The following HSPA2 variants were observed in gnomAD, a reference collection of about 807,000 sequenced individuals.
HSPA2 encodes the protein heat shock protein family A (Hsp70) member 2.
A neutral mutation model predicts 35.0 loss-of-function variants in HSPA2; 13 were observed. The observed-to-expected ratio is 0.37, with a 90% CI of 0.24 to 0.59. HSPA2 has a LOEUF of 0.59. HSPA2 is among the 20% of genes least tolerant of loss of function. The probability of loss-of-function intolerance (pLI) is 0.70; values close to 1 mark genes in which losing one functional copy is unlikely to be tolerated. For synonymous variants in HSPA2, 368 were observed against 382.1 expected, an observed-to-expected ratio of 0.96 and a Z score of 0.43; for missense variants, 565 against 885.4, an observed-to-expected ratio of 0.64 and a Z score of 4.59.
chr14:64,539,681 G>GT (rs45627137), upstream of HSPA2, among the ~76,000 whole-genome samples: 132 of 151,304 alleles, frequency 8.7e-4, no homozygotes, highest in African/African-American at 2.3e-3. Context: ...AGGCAGTGGG[G>GT]TTTTTTTTTG....
At position 64,541,434 on chromosome 14, in the gene HSPA2, G is replaced by A; in HGVS notation, c.585G>A (p.Glu195=). Residue 195 remains glutamate (E), a synonymous_variant, in exon 1 of 1, where the codon GAG becomes GAA. Coordinates refer to ENST00000247207, the MANE Select transcript of HSPA2 (RefSeq NM_021979.4). ...ACAAGAAGGGCTGCGCGGGCGGCGA[G>A]AAGAACGTGCTCATCTTTGACCTGG... ...GLDKKGCAGG[E]KNVLIFDLGG... 1.2e-6 allele frequency: 2 copies of A among 1,613,646 alleles called. No individual in the cohort carries two copies. The highest frequency in any genetic ancestry group is 2.2e-5 in the South Asian group (2 of 91,070).
In HSPA2 at chr14:64,541,619, G is replaced by A. The variant is rs1045863061; in HGVS notation, c.770G>A (p.Gly257Glu). The A allele has an allele frequency of 1.2e-6, 2 of 1,611,262 alleles. No homozygotes were observed. Among genetic ancestry groups the A allele is most frequent in the Non-Finnish European group, 1.7e-6 (2 of 1,179,880 alleles). Reference sequence around the variant, plus strand: ...AAGCGCAAGCACAAGAAGGACATTGGGCCCAACAAGCGCGCCGTGAGGCGG... The same window carrying A: ...AAGCGCAAGCACAAGAAGGACATTGAGCCCAACAAGCGCGCCGTGAGGCGG... Reference protein sequence around the residue: ...EFKRKHKKDIGPNKRAVRRLR... With the variant: ...EFKRKHKKDIEPNKRAVRRLR... The change falls in exon 1 of 1, where the codon GGG becomes GAG. Residue 257 changes from glycine to glutamate, a missense_variant. Coordinates refer to ENST00000247207, the MANE Select transcript of HSPA2 (RefSeq NM_021979.4).
At chr14:64,540,576 C>G (rs1387240863), upstream of HSPA2, 93 of 505,868 alleles carry the variant, frequency 1.8e-4, 1 homozygote, top group East Asian at 3.3e-3. Flanking sequence ...GCCGGAGTCC[C>G]GCCCCTCGTC....
At chr14:64,536,373 C>T (rs1036687035), upstream of HSPA2, among the ~76,000 whole-genome samples, 3 of 152,136 alleles carry the variant, frequency 2.0e-5, no homozygotes, top group Non-Finnish European at 4.4e-5. Context: ...TTATCATTAA[C>T]ATAAATAATA....
rs747998365 is a variant in HSPA2, at chr14:64,540,824, C to T, written c.-26C>T. ...AGTTCATCTCCCTGGTTTTCCCGTCCTAACGTCGCTCGCCTTTCAGTCAGG... is the reference window on the plus strand; with the variant it reads ...AGTTCATCTCCCTGGTTTTCCCGTCTTAACGTCGCTCGCCTTTCAGTCAGG... On this transcript the variant is annotated 5_prime_UTR_variant, in exon 1 of 1. Transcript: ENST00000247207. 1 of 1,611,916 alleles carries T rather than the reference C, an allele frequency of 6.2e-7. No individual in the cohort carries two copies. The highest frequency in any genetic ancestry group is 2.2e-5 in the East Asian group (1 of 44,858).
chr14:64,541,097 C>T lies in HSPA2; in HGVS notation c.248C>T (p.Thr83Ile). Reference sequence around the variant, plus strand: ...ATTGGACGGAAATTCGAGGATGCCACAGTGCAGTCGGATATGAAACACTGG... The same window carrying T: ...ATTGGACGGAAATTCGAGGATGCCATAGTGCAGTCGGATATGAAACACTGG... The part of the protein sequence containing the change: ...RLIGRKFEDA[T>I]VQSDMKHWPF... The change falls in exon 1 of 1, where the codon ACA becomes ATA. Residue 83 changes from threonine (T) to isoleucine (I), a missense_variant. Thr to Ile is a moderately conservative substitution (Grantham distance 89). Transcript: ENST00000247207. The T allele has an allele frequency of 6.2e-7, 1 of 1,614,234 alleles. No individual in the cohort carries two copies.
chr14:64,541,613 A>G lies in HSPA2; in HGVS notation c.764A>G (p.Asp255Gly), dbSNP rs765750287. 1.3e-5 allele frequency: 21 copies of G among 1,611,588 alleles called. No individual in the cohort carries two copies. The highest frequency in any genetic ancestry group is 1.2e-4 in the South Asian group (11 of 91,090). The change falls in exon 1 of 1, where the codon GAC (aspartate) becomes GGC (glycine). Residue 255 changes from aspartate (D) to glycine (G), a missense_variant. This residue lies in a region of HSPA2 where 234 missense variants were observed against 419.0 expected (regional missense o/e 0.56). Coordinates refer to ENST00000247207, the MANE Select transcript of HSPA2 (RefSeq NM_021979.4). ...GAGTTCAAGCGCAAGCACAAGAAGG[A>G]CATTGGGCCCAACAAGCGCGCCGTG... ...AEEFKRKHKK[D>G]IGPNKRAVRR...
chr14:64,540,764 G>C lies in HSPA2; in HGVS notation c.-86G>C, dbSNP rs1012675299. The C allele has an allele frequency of 1.0e-5, 16 of 1,558,936 alleles. No homozygotes were observed. The highest frequency in any genetic ancestry group is 1.4e-5 in the Non-Finnish European group (16 of 1,151,866). ...CTGAGTTGCTGGTAGTGCCCGTGGT[G>C]CTTGGTTCGAGGTGGCCGTTAGTTG... On this transcript the variant is annotated 5_prime_UTR_variant, in exon 1 of 1. Coordinates refer to ENST00000247207, the MANE Select transcript of HSPA2 (RefSeq NM_021979.4).
upstream of HSPA2, chr14:64,536,017 T>C (rs2079979042): frequency 6.6e-6 from 1 of 152,322 alleles, no homozygotes; most frequent in Non-Finnish European, 1.5e-5. Flanking sequence ...GATTACCCAG[T>C]CTCGGGTGTC....
At position 64,541,092 on chromosome 14, in the gene HSPA2, T is replaced by C. The variant is rs749865642; in HGVS notation, c.243T>C (p.Asp81=). 1.2e-6 allele frequency: 2 copies of C among 1,614,188 alleles called. No homozygotes were observed. Among genetic ancestry groups the C allele is most frequent in the South Asian group, 2.2e-5 (2 of 91,088 alleles). Residue 81 remains aspartate (D), a synonymous_variant, in exon 1 of 1, where the codon GAT becomes GAC. Coordinates refer to ENST00000247207, the MANE Select transcript of HSPA2 (RefSeq NM_021979.4). The part of the protein sequence containing the change: ...AKRLIGRKFE[D]ATVQSDMKHW... ...GGCTGATTGGACGGAAATTCGAGGA[T>C]GCCACAGTGCAGTCGGATATGAAAC...
rs936957029 is a variant in HSPA2 at position 64,541,262 on chromosome 14, G to A, written c.413G>A (p.Gly138Asp). 1 of 1,613,536 alleles carries A rather than the reference G, an allele frequency of 6.2e-7. No homozygotes were observed. The highest frequency in any genetic ancestry group is 2.2e-5 in the East Asian group (1 of 44,864). The change falls in exon 1 of 1, where the codon GGC becomes GAC. Residue 138 changes from glycine (G) to aspartate (D), a missense_variant. Physicochemically the swap from Gly to Asp is moderately conservative, Grantham distance 94. Transcript: ENST00000247207. ...MKEIAEAYLG[G>D]KVHSAVITVP... ...GAGATCGCGGAAGCCTACCTGGGGGGCAAGGTGCACAGCGCGGTCATAACG... is the reference window on the plus strand; with the variant it reads ...GAGATCGCGGAAGCCTACCTGGGGGACAAGGTGCACAGCGCGGTCATAACG...
chr14:64,540,349 G>A, upstream of HSPA2: 1 of 181,716 alleles, frequency 5.5e-6, no homozygotes, highest in Non-Finnish European at 1.2e-5. Context: ...TCCCCGTGCC[G>A]CGCCTCAGTC....
chr14:64,542,358 A>T lies in HSPA2; in HGVS notation c.1509A>T (p.Lys503Asn), dbSNP rs762927698. 6.8e-6 allele frequency: 11 copies of T among 1,613,712 alleles called. No homozygotes were observed. The Admixed American group carries it at 1.2e-4, about 17-fold the overall frequency. ...AADKSTGKEN[K>N]ITITNDKGRL... Reference sequence around the variant, plus strand: ...ACAAGAGCACCGGTAAGGAAAACAAAATCACCATCACCAATGACAAAGGTC... The same window carrying T: ...ACAAGAGCACCGGTAAGGAAAACAATATCACCATCACCAATGACAAAGGTC... The change falls in exon 1 of 1, where the codon AAA (lysine) becomes AAT (asparagine). Residue 503 changes from lysine (K) to asparagine (N), a missense_variant. Physicochemically the swap from Lys to Asn is moderately conservative, Grantham distance 94. Around this residue, in one of 4 missense-constraint regions of HSPA2, gnomAD observed 234 missense variants for 419.0 expected, o/e 0.56. Coordinates refer to ENST00000247207, the MANE Select transcript of HSPA2 (RefSeq NM_021979.4). The surrounding 1 kb of genome is among the most constrained non-coding windows in gnomAD (Gnocchi z 5.7).
chr14:64,540,741 G>T lies in HSPA2; in HGVS notation c.-109G>T, dbSNP rs1452615951. On this transcript the variant is annotated 5_prime_UTR_variant, in exon 1 of 1. Coordinates refer to ENST00000247207, the MANE Select transcript of HSPA2 (RefSeq NM_021979.4). ...AACCGGGAACTGGGCGCGGGGAGCTGAGTTGCTGGTAGTGCCCGTGGTGCT... is the reference window on the plus strand; with the variant it reads ...AACCGGGAACTGGGCGCGGGGAGCTTAGTTGCTGGTAGTGCCCGTGGTGCT... 11 of 1,501,412 alleles carry T rather than the reference G, an allele frequency of 7.3e-6. No homozygotes were observed. The highest frequency in any genetic ancestry group is 6.3e-6 in the Non-Finnish European group (7 of 1,117,244). 93.0% of individuals were successfully genotyped at this position (1,501,412 alleles called of 1,614,324 possible). A position where few individuals can be genotyped will look rare whatever the true frequency, so the allele number is the denominator to read the frequency against.
At chr14:64,539,148 C>T (rs2080003260), upstream of HSPA2, among the ~76,000 whole-genome samples, 1 of 152,120 alleles carries the variant, frequency 6.6e-6, no homozygotes, top group Admixed American at 6.5e-5. Flanking sequence ...AGATTATTAC[C>T]TGGTGCCAGG....
rs1758913667 is a variant in HSPA2 at position 64,542,245 on chromosome 14, G to A, written c.1396G>A (p.Gly466Arg). The A allele has an allele frequency of 6.2e-7, 1 of 1,613,848 alleles. No individual in the cohort carries two copies. Among genetic ancestry groups the A allele is most frequent in the African/African-American group, 1.3e-5 (1 of 74,900 alleles). Residue 466 changes from glycine (G) to arginine (R), a missense_variant, in exon 1 of 1, where the codon GGG becomes AGG. Physicochemically the swap from Gly to Arg is moderately radical, Grantham distance 125. Transcript: ENST00000247207. This position sits in a 1 kb window ranked among gnomAD's most constrained non-coding sequence, Gnocchi z 5.7. ...CCTGCTGGGCAAGTTCGACCTGACC[G>A]GGATTCCCCCTGCGCCTCGCGGGGT... ...NNLLGKFDLT[G>R]IPPAPRGVPQ... is the part of the protein sequence containing the mutation.
At chr14:64,536,650 C>G (rs2079982231), upstream of HSPA2, among the ~76,000 whole-genome samples, 1 of 152,130 alleles carries the variant, frequency 6.6e-6, no homozygotes, top group Non-Finnish European at 1.5e-5. Flanking sequence ...GTCCTAACTA[C>G]TCCGGAGGCT....
rs1063391 is a variant in HSPA2, at chr14:64,541,533, C to T, written c.684C>T (p.Asp228=). Residue 228 remains aspartate, a synonymous_variant, in exon 1 of 1, where the codon GAC becomes GAT. Coordinates refer to ENST00000247207, the MANE Select transcript of HSPA2 (RefSeq NM_021979.4). ...GIFEVKSTAG[D]THLGGEDFDN... is the part of the protein sequence containing the mutation. ...TCGAGGTGAAGTCCACGGCCGGCGACACCCACCTGGGCGGTGAGGACTTCG... is the reference window on the plus strand; with the variant it reads ...TCGAGGTGAAGTCCACGGCCGGCGATACCCACCTGGGCGGTGAGGACTTCG... 0.69 allele frequency: 1,109,002 copies of T among 1,613,246 alleles called. 385,667 individuals carry two copies. The highest frequency in any genetic ancestry group is 0.86 in the East Asian group (38,435 of 44,830).
At chr14:64,540,721 G>T, upstream of HSPA2, 1 of 1,408,828 alleles carries the variant, frequency 7.1e-7, no homozygotes, top group African/African-American at 1.4e-5. Context: ...ATAAGAACCG[G>T]GAACTGGGCG....
Sources: allele counts gnomAD v4.1 joint callset (sites outside exome capture counted in the v4.1 genomes callset), GRCh38; gene constraint gnomAD v4.1.1; regional missense constraint gnomAD v4.1.1; non-coding constraint Gnocchi (gnomAD v3.1); transcripts MANE v1.5; gene names NCBI Gene and HGNC (gene_info 2026-07-23, HGNC 2026-07-21).